The following HS6ST2 variants were observed in gnomAD, a reference collection of about 807,000 sequenced individuals.
HS6ST2 encodes the protein heparan sulfate 6-O-sulfotransferase 2.
A neutral mutation model predicts 33.0 loss-of-function variants in HS6ST2; 17 were observed. The ratio of observed to expected loss-of-function variants is 0.52; its 90% CI spans 0.35 to 0.77. HS6ST2 has a LOEUF of 0.77. Ranked by LOEUF, HS6ST2 falls within the 30% of genes least tolerant of loss-of-function variation. HS6ST2 has a pLI of 0.01. For synonymous variants in HS6ST2, 248 were observed against 237.1 expected (o/e 1.05, Z -0.42); for missense variants, 519 against 551.7 (o/e 0.94, Z 0.59).
At chrX:132,832,412 A>G (rs1569495427) in intron 2 of HS6ST2, among the ~76,000 whole-genome samples, 2 of 112,002 alleles carry the variant, frequency 1.8e-5, no homozygotes, top group South Asian at 3.7e-4. Flanking sequence ...GTGTTTGGCA[A>G]TTTCATTACA....
intron 2 of HS6ST2, among the ~76,000 whole-genome samples, chrX:132,796,724 C>A (rs918012453): frequency 4.5e-5 from 5 of 112,129 alleles, no homozygotes; most frequent in Admixed American, 9.5e-5. Context: ...CAATTACTTT[C>A]AACCATTCCC....
chrX:132,895,083 A>G lies in HS6ST2; in HGVS notation c.947+61725T>C, dbSNP rs751041925. Among the ~76,000 whole-genome samples the G allele has an allele frequency of 5.3e-3, 593 of 112,113 alleles. 4 individuals are homozygous for G. The highest frequency in any genetic ancestry group is 0.017 in the African/African-American group (536 of 30,876). The stretch of plus-strand genomic sequence containing the variant: ...TTTGTCTCGCAGTTCAAATTCTATC[A>G]CTGATCTCTTGGGTTTCCCTATTCA... On this transcript the variant is annotated intron_variant, in intron 2 of 4. Coordinates refer to ENST00000370833, the MANE Select transcript of HS6ST2 (RefSeq NM_001394073.1).
At chrX:132,945,106 C>T (rs1317609532) in intron 2 of HS6ST2, among the ~76,000 whole-genome samples, 1 of 111,940 alleles carries the variant, frequency 8.9e-6, no homozygotes, top group Non-Finnish European at 1.9e-5. Context: ...ATCTAGCCAT[C>T]TGACAAAGGG....
At chrX:132,637,194 C>T (rs1569475783) in intron 4 of HS6ST2, among the ~76,000 whole-genome samples, 1 of 112,432 alleles carries the variant, frequency 8.9e-6, no homozygotes, top group Non-Finnish European at 1.9e-5. Context: ...CTCAGGTCCA[C>T]TCACTGAATC....
chrX:132,645,553 T>C (rs2063633914), intron 4 of HS6ST2, among the ~76,000 whole-genome samples: 1 of 112,214 alleles, frequency 8.9e-6, no homozygotes, highest in South Asian at 3.7e-4. Flanking sequence ...CTATCCCACC[T>C]CCTTCCATTT....
At chrX:132,956,341 TA>T (rs1432489171) in intron 2 of HS6ST2, among the ~76,000 whole-genome samples, 41 of 77,270 alleles carry the variant, frequency 5.3e-4, no homozygotes, top group African/African-American at 2.0e-3. Flanking sequence ...ATAGACGAAA[TA>T]GGGGGGAAAG....
At chrX:132,648,723 C>T (rs1382539884) in intron 4 of HS6ST2, among the ~76,000 whole-genome samples, 1 of 111,053 alleles carries the variant, frequency 9.0e-6, no homozygotes, top group East Asian at 2.8e-4. Flanking sequence ...ATCTCTCTAT[C>T]TTTTTACTTT....
chrX:132,837,971 T>A (rs2065661687), intron 2 of HS6ST2, among the ~76,000 whole-genome samples: 1 of 112,237 alleles, frequency 8.9e-6, no homozygotes, highest in Non-Finnish European at 1.9e-5. Flanking sequence ...AAAGCACAGG[T>A]TTCTTTATGG....
intron 2 of HS6ST2, among the ~76,000 whole-genome samples, chrX:132,849,701 C>T: frequency 8.9e-6 from 1 of 111,816 alleles, no homozygotes. Flanking sequence ...CTTTTACGAA[C>T]CTCCTATCAA....
chrX:132,752,839 C>T (rs754542795), intron 2 of HS6ST2, among the ~76,000 whole-genome samples: 4 of 112,146 alleles, frequency 3.6e-5, no homozygotes, highest in Non-Finnish European at 7.5e-5. Flanking sequence ...AACACTTGTC[C>T]TCTCTAATTG....
chrX:132,696,471 T>A (rs2064105568), intron 3 of HS6ST2, among the ~76,000 whole-genome samples: 1 of 111,526 alleles, frequency 9.0e-6, no homozygotes, highest in Admixed American at 9.5e-5. Flanking sequence ...AGTTGGAAGG[T>A]AATCAATAGG....
intron 4 of HS6ST2, among the ~76,000 whole-genome samples, chrX:132,637,928 AT>A (rs1272024702): frequency 1.5e-4 from 8 of 52,695 alleles, no homozygotes; most frequent in African/African-American, 3.4e-4. Context: ...TTATATATAT[AT>A]TATATATAAT....
rs2065950549 is a variant in HS6ST2, at chrX:132,864,654, G to A, written c.947+92154C>T. On this transcript the variant is annotated intron_variant, in intron 2 of 4. Transcript: ENST00000370833. ...TGATCGGTGTACTTGAAATTGATGG[G>A]AAGAATGGAACCAAGTTGTAAAACA... Among the ~76,000 whole-genome samples the A allele has an allele frequency of 2.7e-5, 3 of 110,630 alleles. No individual in the cohort carries two copies. In the South Asian group the frequency reaches 1.2e-3, roughly 44 times the overall value.
upstream of HS6ST2, chrX:132,961,164 C>A (rs1464446179): frequency 9.3e-6 from 1 of 107,557 alleles, no homozygotes; most frequent in African/African-American, 3.4e-5. Flanking sequence ...ACTGGCCGAA[C>A]TGTCAAGTGT....
chrX:132,708,415 T>C (rs1292982285), intron 3 of HS6ST2, 47 bp downstream of exon 3: 2 of 1,011,678 alleles, frequency 2.0e-6, no homozygotes, highest in African/African-American at 4.0e-5. Flanking sequence ...GTCTCTTTTT[T>C]CTAGCTTACT....
intron 2 of HS6ST2, among the ~76,000 whole-genome samples, chrX:132,792,049 T>C (rs1211070608): frequency 8.9e-6 from 1 of 112,477 alleles, no homozygotes; most frequent in African/African-American, 3.2e-5. Context: ...GCTCCTTTCA[T>C]TAATAGAATA....
At chrX:132,692,653 T>G (rs928216155) in intron 3 of HS6ST2, among the ~76,000 whole-genome samples, 3 of 111,195 alleles carry the variant, frequency 2.7e-5, no homozygotes, top group Non-Finnish European at 5.7e-5. Context: ...GGATAGCACT[T>G]CCCCATCTTC....
intron 2 of HS6ST2, among the ~76,000 whole-genome samples, chrX:132,898,854 C>T (rs929769554): frequency 1.8e-5 from 2 of 110,701 alleles, no homozygotes; most frequent in East Asian, 5.7e-4. Flanking sequence ...ATGTCTTTGG[C>T]TGAGTACTGA....
rs1230946225 is a variant in HS6ST2, at chrX:132,835,367, G to A, written c.947+121441C>T. 2.7e-5 allele frequency among the ~76,000 whole-genome samples: 3 copies of A among 111,298 alleles called. No individual in the cohort carries two copies. The South Asian group carries it at 1.2e-3, about 43-fold the overall frequency. ...GTGATATAACAGAAGGAGGAGGACG[G>A]AGCACCAATTACATAAAACACAACC... On this transcript the variant is annotated intron_variant, in intron 2 of 4. Transcript: ENST00000370833.
Sources: allele counts gnomAD v4.1 joint callset (sites outside exome capture counted in the v4.1 genomes callset), GRCh38; gene constraint gnomAD v4.1.1; transcripts MANE v1.5; gene names NCBI Gene and HGNC (gene_info 2026-07-23, HGNC 2026-07-21).